Variants in KCNIP4 observed in about 807,000 individuals in gnomAD.
The protein encoded by KCNIP4 is Kv channel-interacting protein 4.
A neutral mutation model predicts 34.0 loss-of-function variants in KCNIP4; 12 were observed. That is an observed-to-expected ratio of 0.35 (90% CI 0.23 to 0.57). The LOEUF is 0.57. KCNIP4 is among the 20% of genes least tolerant of loss of function. The probability of loss-of-function intolerance (pLI) is 0.83; values close to 1 mark genes in which losing one functional copy is unlikely to be tolerated. For missense variants in KCNIP4, 238 were observed against 311.7 expected, an observed-to-expected ratio of 0.76 and a Z score of 1.78; for synonymous variants, 124 against 102.2, an observed-to-expected ratio of 1.21 and a Z score of -1.29.
At chr4:21,302,636 C>G (rs1456792061) in intron 1 of KCNIP4, among the ~76,000 whole-genome samples, 1 of 152,138 alleles carries the variant, frequency 6.6e-6, no homozygotes, top group East Asian at 1.9e-4. Context: ...AGAGGGCTAC[C>G]AAAAGCATTC....
At chr4:21,816,932 T>C (rs867954397) in intron 1 of KCNIP4, among the ~76,000 whole-genome samples, 2 of 152,188 alleles carry the variant, frequency 1.3e-5, no homozygotes, top group East Asian at 1.9e-4. Flanking sequence ...ATCATGACAA[T>C]AGCATTTAGC....
chr4:20,876,130 C>T (rs1257433962), intron 2 of KCNIP4, among the ~76,000 whole-genome samples: 1 of 152,114 alleles, frequency 6.6e-6, no homozygotes, highest in Non-Finnish European at 1.5e-5. Flanking sequence ...TGAGATAGTG[C>T]TGGGTAGATG....
chr4:21,844,140 A>G (rs1723857619), intron 1 of KCNIP4: 1 of 152,110 alleles, frequency 6.6e-6, no homozygotes, highest in African/African-American at 2.4e-5. Flanking sequence ...AGAATCATGC[A>G]TTGAAGAAAC....
intron 5 of KCNIP4, among the ~76,000 whole-genome samples, chr4:20,739,672 T>C (rs988116070): frequency 6.6e-6 from 1 of 152,016 alleles, no homozygotes; most frequent in Non-Finnish European, 1.5e-5. Flanking sequence ...AGTGTAAAAA[T>C]CAGAGAACCT....
intron 1 of KCNIP4, among the ~76,000 whole-genome samples, chr4:20,922,977 G>A (rs545477690): frequency 3.9e-4 from 59 of 152,114 alleles, no homozygotes; most frequent in South Asian, 2.9e-3. Context: ...GTGTGTGTGC[G>A]TGTGTGTGAG....
chr4:20,804,990 G>C (rs1205610119), intron 3 of KCNIP4, among the ~76,000 whole-genome samples: 2 of 152,146 alleles, frequency 1.3e-5, no homozygotes, highest in African/African-American at 4.8e-5. Context: ...CGTGATTCTG[G>C]TTCCAAAATT....
intron 1 of KCNIP4, among the ~76,000 whole-genome samples, chr4:21,684,826 AC>A (rs1750686318): frequency 1.3e-5 from 2 of 151,872 alleles, no homozygotes; most frequent in Non-Finnish European, 2.9e-5. Flanking sequence ...CTCTCCCCCG[AC>A]CCCATGACAG....
intron 1 of KCNIP4, among the ~76,000 whole-genome samples, chr4:21,032,065 C>T (rs1411809407): frequency 6.6e-6 from 1 of 152,190 alleles, no homozygotes; most frequent in East Asian, 1.9e-4. Flanking sequence ...AAGGGCCTCA[C>T]ACCAAGACAT....
chr4:21,745,730 G>A (rs566242426), intron 1 of KCNIP4, among the ~76,000 whole-genome samples: 70 of 152,140 alleles, frequency 4.6e-4, no homozygotes, highest in African/African-American at 1.6e-3. Context: ...ATTGTGGAAC[G>A]ATAGTAAACA....
At chr4:21,834,985 T>C (rs1723230005) in intron 1 of KCNIP4, among the ~76,000 whole-genome samples, 1 of 152,104 alleles carries the variant, frequency 6.6e-6, no homozygotes, top group Admixed American at 6.6e-5. Flanking sequence ...TGCTGCTGGA[T>C]TCGATTTGCC....
chr4:21,330,453 T>C (rs566444566), intron 1 of KCNIP4, among the ~76,000 whole-genome samples: 67 of 152,292 alleles, frequency 4.4e-4, no homozygotes, highest in Admixed American at 1.5e-3. Context: ...GAATTCTGAT[T>C]ATATGAATTC....
At chr4:21,622,408 G>C (rs1105376) in intron 1 of KCNIP4, among the ~76,000 whole-genome samples, 43,449 of 151,906 alleles carry the variant, frequency 0.29, 6,504 homozygotes, top group Non-Finnish European at 0.32. Context: ...AATTAAAAAA[G>C]AAATTTATTA....
At chr4:21,559,838 C>T (rs1322796947) in intron 1 of KCNIP4, among the ~76,000 whole-genome samples, 1 of 152,128 alleles carries the variant, frequency 6.6e-6, no homozygotes, top group Admixed American at 6.6e-5. Context: ...GTATCTCTTA[C>T]TACTTCTATT....
At chr4:21,492,077 A>G (rs1732449319) in intron 1 of KCNIP4, among the ~76,000 whole-genome samples, 1 of 152,204 alleles carries the variant, frequency 6.6e-6, no homozygotes, top group Non-Finnish European at 1.5e-5. Flanking sequence ...ATCTGAGAGA[A>G]GGTTTGTTTT....
At chr4:21,059,441 AC>A (rs1418989680) in intron 1 of KCNIP4, among the ~76,000 whole-genome samples, 2 of 151,976 alleles carry the variant, frequency 1.3e-5, no homozygotes, top group African/African-American at 4.8e-5. Context: ...CTGCTGGGGA[AC>A]CCTCAGCCAT....
At chr4:20,744,120 C>G (rs1212177417) in intron 5 of KCNIP4, among the ~76,000 whole-genome samples, 1 of 152,048 alleles carries the variant, frequency 6.6e-6, no homozygotes, top group African/African-American at 2.4e-5. Flanking sequence ...ACAACAGATG[C>G]TGGAGAGGAT....
chr4:20,822,240 CA>C (rs1717201388), intron 3 of KCNIP4, among the ~76,000 whole-genome samples: 1 of 151,962 alleles, frequency 6.6e-6, no homozygotes, highest in Non-Finnish European at 1.5e-5. Flanking sequence ...ATAATCCCAT[CA>C]AAAAGCAGGC....
intron 3 of KCNIP4, among the ~76,000 whole-genome samples, chr4:20,804,055 G>A (rs1174226667): frequency 6.6e-6 from 1 of 152,082 alleles, no homozygotes; most frequent in East Asian, 1.9e-4. Context: ...AAAGTGATGG[G>A]GTAGGATAGT....
intron 3 of KCNIP4, among the ~76,000 whole-genome samples, chr4:20,771,916 C>A (rs1292893977): frequency 6.6e-6 from 1 of 152,126 alleles, no homozygotes; most frequent in Non-Finnish European, 1.5e-5. Context: ...GTGATCCAGC[C>A]AGCTTGGCCT....
Sources: allele counts gnomAD v4.1 joint callset (sites outside exome capture counted in the v4.1 genomes callset), GRCh38; gene constraint gnomAD v4.1.1; transcripts MANE v1.5; gene names NCBI Gene and HGNC (gene_info 2026-07-23, HGNC 2026-07-21).